GTPBP10: variants seen among roughly 807,000 people sequenced by gnomAD.
The protein encoded by GTPBP10 is GTP-binding protein 10.
Under a neutral mutation model 44.8 loss-of-function variants are expected in GTPBP10, and 38 were observed. That is an observed-to-expected ratio of 0.85 (90% CI 0.65 to 1.11). The LOEUF (loss-of-function observed/expected upper bound fraction) is 1.11. Among genes scored for constraint, GTPBP10 ranks in the 50% most tolerant of loss-of-function variants. The pLI is 0.00. For missense variants in GTPBP10, 462 were observed against 453.7 expected (o/e 1.02, Z -0.17); for synonymous variants, 152 against 150.6 (o/e 1.01, Z -0.07).
intron 4 of GTPBP10, among the ~76,000 whole-genome samples, chr7:90,363,920 A>T (rs1358985183): frequency 6.6e-6 from 1 of 152,162 alleles, no homozygotes; most frequent in Non-Finnish European, 1.5e-5. Context: ...CTTCCAGTTG[A>T]TCAAATCAGC....
chr7:90,347,863 A>G (rs561045960), intron 1 of GTPBP10, among the ~76,000 whole-genome samples: 142 of 152,354 alleles, frequency 9.3e-4, no homozygotes, highest in South Asian at 3.1e-3. Flanking sequence ...GCAGAATGGC[A>G]TGTAGAAATG....
chr7:90,355,313 G>A (rs769089501), intron 4 of GTPBP10, 83 bp downstream of exon 4: 82 of 891,636 alleles, frequency 9.2e-5, no homozygotes, highest in Non-Finnish European at 1.3e-4. Flanking sequence ...GTAATTTGGG[G>A]CCATAATTAT....
intron 4 of GTPBP10, among the ~76,000 whole-genome samples, chr7:90,357,610 G>T (rs963052566): frequency 4.6e-5 from 7 of 152,082 alleles, no homozygotes; most frequent in Non-Finnish European, 7.4e-5. Context: ...AGTTTTTGAA[G>T]TACCGTCTTC....
chr7:90,382,893 C>T, intron 8 of GTPBP10, 63 bp from the exon 9 acceptor site: 1 of 1,168,942 alleles, frequency 8.6e-7, no homozygotes, highest in Non-Finnish European at 1.2e-6. Flanking sequence ...CATTAATTAC[C>T]AAATAAGTAG....
rs767155974 is a variant in GTPBP10 at position 90,355,187 on chromosome 7, A to C, written c.421A>C (p.Ile141Leu). 7.5e-6 allele frequency: 12 copies of C among 1,604,384 alleles called. No homozygotes were observed. The South Asian group carries it at 1.2e-4, about 16-fold the overall frequency. The part of the protein sequence containing the change: ...FLPLKGQKRI[I>L]HLDLKLIADV... ...ACCATTGAAAGGCCAGAAACGAATAATTCACCTTGATCTAAAACTTATAGC... is the reference window on the plus strand; with the variant it reads ...ACCATTGAAAGGCCAGAAACGAATACTTCACCTTGATCTAAAACTTATAGC... Residue 141 changes from isoleucine to leucine, a missense_variant, in exon 4 of 10, where the codon ATT (isoleucine) becomes CTT (leucine). Coordinates refer to ENST00000222511, the MANE Select transcript of GTPBP10 (RefSeq NM_033107.4).
Position 90,369,759 on chromosome 7 carries a change from G to A in GTPBP10, c.465-2396G>A, listed in dbSNP as rs149124178. Among the ~76,000 whole-genome samples, 454 of 152,250 alleles carry A rather than the reference G, an allele frequency of 3.0e-3. 3 individuals carry two copies. Among genetic ancestry groups the A allele is most frequent in the African/African-American group, 0.01 (431 of 41,542 alleles). On this transcript the variant is annotated intron_variant, in intron 4 of 9. Transcript: ENST00000222511. ...CTTGGCTAGGAAAGGAAAATCCCCC[G>A]ATCCCTTGTGCTTCCCGGGTGAAGC...
chr7:90,365,609 CTCGTGA>C (rs1796119200), intron 4 of GTPBP10, among the ~76,000 whole-genome samples: 1 of 151,874 alleles, frequency 6.6e-6, no homozygotes, highest in African/African-American at 2.4e-5. Context: ...ATCTCCTGAC[CTCGTGA>C]TCCGCCCACC....
intron 5 of GTPBP10, among the ~76,000 whole-genome samples, chr7:90,373,875 A>G (rs189751917): frequency 6.6e-6 from 1 of 152,252 alleles, no homozygotes; most frequent in East Asian, 1.9e-4. Context: ...GGGTCTAGCT[A>G]TGTCACCCAG....
intron 2 of GTPBP10, among the ~76,000 whole-genome samples, chr7:90,353,572 G>A (rs1289133102): frequency 6.6e-6 from 1 of 151,930 alleles, no homozygotes; most frequent in African/African-American, 2.4e-5. Flanking sequence ...GTCTATTTAG[G>A]TTATTGTTGA....
At chr7:90,352,677 A>G in intron 1 of GTPBP10, 139 bp from the exon 2 acceptor site, 1 of 571,314 alleles carries the variant, frequency 1.8e-6, no homozygotes, top group Non-Finnish European at 3.0e-6. Flanking sequence ...AGGTGAGCTA[A>G]GAAAATGTTA....
intron 4 of GTPBP10, among the ~76,000 whole-genome samples, chr7:90,357,807 C>T (rs1562954757): frequency 6.6e-6 from 1 of 152,068 alleles, no homozygotes; most frequent in Non-Finnish European, 1.5e-5. Flanking sequence ...ACATGGTGGG[C>T]CTTTCTTGAG....
intron 9 of GTPBP10, 80 bp from the exon 10 acceptor site, chr7:90,384,812 C>T (rs1796493846): frequency 5.0e-6 from 7 of 1,409,500 alleles, no homozygotes; most frequent in Non-Finnish European, 6.7e-6. Flanking sequence ...TTCCCTGCTT[C>T]ACAAATCAAA....
chr7:90,373,090 A>G (rs1270040195), intron 5 of GTPBP10, among the ~76,000 whole-genome samples: 1 of 152,174 alleles, frequency 6.6e-6, no homozygotes, highest in Non-Finnish European at 1.5e-5. Context: ...AGGAAATAGT[A>G]TGTACACAAA....
At chr7:90,383,840 A>T (rs1381084064) in intron 9 of GTPBP10, 1 of 152,160 alleles carries the variant, frequency 6.6e-6, no homozygotes, top group Non-Finnish European at 1.5e-5. Context: ...CTTGGTAACA[A>T]TTGTTGGAAA....
chr7:90,371,049 A>G, intron 4 of GTPBP10: 1 of 151,212 alleles, frequency 6.6e-6, no homozygotes, highest in East Asian at 1.9e-4. Flanking sequence ...ATAAATAAAT[A>G]GATATGAGCT....
intron 4 of GTPBP10, among the ~76,000 whole-genome samples, chr7:90,362,968 T>G (rs938698763): frequency 9.9e-5 from 15 of 152,208 alleles, no homozygotes; most frequent in Non-Finnish European, 1.9e-4. Flanking sequence ...CTGCCTTTTT[T>G]TTGTTTTCCA....
chr7:90,364,761 G>C (rs1210283098), intron 4 of GTPBP10, among the ~76,000 whole-genome samples: 1 of 152,190 alleles, frequency 6.6e-6, no homozygotes, highest in East Asian at 1.9e-4. Flanking sequence ...TCCTTGAGCT[G>C]TGGTGGACTC....
rs991296212 is a variant in GTPBP10 at position 90,388,373 on chromosome 7, T to C, written c.*3219T>C. Reference sequence around the variant, plus strand: ...ATTATGTTACTGAATAACCAGAGTATTAAATTCAATGTACAGCAAATTTTT... The same window carrying C: ...ATTATGTTACTGAATAACCAGAGTACTAAATTCAATGTACAGCAAATTTTT... On this transcript the variant is annotated 3_prime_UTR_variant, in exon 10 of 10. Transcript: ENST00000222511. 1 of 152,132 alleles carries C rather than the reference T, an allele frequency of 6.6e-6. No homozygotes were observed. The allele number at this position is 152,132 out of a possible 1,614,324, so 9.4% of individuals were successfully genotyped here. A position where few individuals can be genotyped will look rare whatever the true frequency, so the allele number is the denominator to read the frequency against.
intron 6 of GTPBP10, among the ~76,000 whole-genome samples, chr7:90,374,966 C>G (rs1307300960): frequency 6.6e-6 from 1 of 152,102 alleles, no homozygotes; most frequent in Non-Finnish European, 1.5e-5. Flanking sequence ...AATTACCAAA[C>G]CTTGGCCAAG....
Sources: gnomAD v4.1 joint callset for allele counts (sites outside exome capture counted in the v4.1 genomes callset) on GRCh38, gnomAD v4.1.1 for gene constraint, MANE v1.5 for transcripts, NCBI Gene and HGNC (gene_info 2026-07-23, HGNC 2026-07-21) for gene names.